Variants in ABCB8 observed in about 807,000 individuals in gnomAD.
The protein encoded by ABCB8 is ATP binding cassette subfamily B member 8.
In ABCB8, 52 loss-of-function variants were observed where a neutral mutation model predicts 73.0. That is an observed-to-expected ratio of 0.71 (90% CI 0.57 to 0.90). The LOEUF is 0.90. Ranked by LOEUF, ABCB8 falls within the 40% of genes least tolerant of loss-of-function variation. The probability of loss-of-function intolerance (pLI) is 0.00; values close to 1 mark genes in which losing one functional copy is unlikely to be tolerated. For missense variants in ABCB8, 909 were observed against 974.6 expected (o/e 0.93, Z 0.90); for synonymous variants, 428 against 423.5 (o/e 1.01, Z -0.13).
rs1584956002 is a variant in ABCB8, at chr7:151,040,868, A to C, written c.1429A>C (p.Thr477Pro). The C allele has an allele frequency of 6.2e-7, 1 of 1,604,002 alleles. No individual in the cohort carries two copies. The highest frequency in any genetic ancestry group is 1.3e-5 in the African/African-American group (1 of 74,672). The change falls in exon 12 of 16, where the codon ACC becomes CCC. Residue 477 changes from threonine (T) to proline (P), a missense_variant. Transcript: ENST00000358849. ...CGGCTTCGAGGTGCTGAAAGACTTCACCCTGACGCTGCCCCCTGGCAAGAT... is the reference window on the plus strand; with the variant it reads ...CGGCTTCGAGGTGCTGAAAGACTTCCCCCTGACGCTGCCCCCTGGCAAGAT... ...RPGFEVLKDF[T>P]LTLPPGKIVA... is the part of the protein sequence containing the mutation.
intron 11 of ABCB8, 21 bp downstream of exon 11, chr7:151,040,655 G>C: frequency 6.2e-7 from 1 of 1,607,038 alleles, no homozygotes. Flanking sequence ...GTGAGCAGGC[G>C]TGGGGATGGG....
intron 12 of ABCB8, 49 bp downstream of exon 12, chr7:151,040,971 C>T: frequency 6.2e-7 from 1 of 1,602,178 alleles, no homozygotes; most frequent in Non-Finnish European, 8.5e-7. Context: ...CTCTAGCAGC[C>T]ACTCAGAGCA....
At chr7:151,039,733 C>A (rs1796405197) in intron 9 of ABCB8, 1 of 152,568 alleles carries the variant, frequency 6.6e-6, no homozygotes, top group Admixed American at 6.5e-5. Context: ...GATTTAACAT[C>A]ACTTCTTCCA....
intron 15 of ABCB8, 87 bp from the exon 16 acceptor site, chr7:151,045,122 A>G (rs555101549): frequency 1.1e-5 from 15 of 1,415,302 alleles, no homozygotes; most frequent in Middle Eastern, 1.9e-4. Context: ...CATGGGCCCA[A>G]TGGCTGATAG....
In ABCB8 at chr7:151,045,248, T is replaced by C; in HGVS notation, c.2056T>C (p.Tyr686His). The C allele has an allele frequency of 6.2e-7, 1 of 1,600,960 alleles. No individual in the cohort carries two copies. The highest frequency in any genetic ancestry group is 8.5e-7 in the Non-Finnish European group (1 of 1,173,242). The change falls in exon 16 of 16, where the codon TAC (tyrosine) becomes CAC (histidine). Residue 686 changes from tyrosine (Y) to histidine (H), a missense_variant. Physicochemically the swap from Tyr to His is moderately conservative, Grantham distance 83. Transcript: ENST00000358849. ...AGAGCTCCTGAAGAAAGGCGGGCTA[T>C]ACGCCGAGCTCATCCGGAGGCAGGC... ...HEELLKKGGL[Y>H]AELIRRQALD... is the part of the protein sequence containing the mutation.
chr7:151,030,433 C>G (rs1051804741), intron 1 of ABCB8, among the ~76,000 whole-genome samples: 1 of 151,180 alleles, frequency 6.6e-6, no homozygotes, highest in Non-Finnish European at 1.5e-5. Context: ...GAGAATTGCT[C>G]AAACCTGGGA....
Position 151,041,950 on chromosome 7 carries a change from C to A in ABCB8, c.1618-11C>A. 6.2e-7 allele frequency: 1 copy of A among 1,611,888 alleles called. No individual in the cohort carries two copies. The highest frequency in any genetic ancestry group is 8.5e-7 in the Non-Finnish European group (1 of 1,179,838). ...TCTATGGACTCTGTCTCCATAACCC[C>A]TCACCCACAGGAGCCCGTCCTGTTT... On this transcript the variant is annotated splice_polypyrimidine_tract_variant and intron_variant, in intron 13 of 15. Coordinates refer to ENST00000358849, the MANE Select transcript of ABCB8 (RefSeq NM_007188.5).
Position 151,035,746 on chromosome 7 carries a change from C to G in ABCB8, c.927+4C>G. The stretch of plus-strand genomic sequence containing the variant: ...GTCTCGCCAGTGTCAGGAGCAGGTA[C>G]CGGCATTCCTGGCCATCCTCTTCAC... On this transcript the variant is annotated splice_donor_region_variant and intron_variant, in intron 6 of 15. Coordinates refer to ENST00000358849, the MANE Select transcript of ABCB8 (RefSeq NM_007188.5). 8 of 1,612,484 alleles carry G rather than the reference C, an allele frequency of 5.0e-6. No homozygotes were observed. Among genetic ancestry groups the G allele is most frequent in the Non-Finnish European group, 6.8e-6 (8 of 1,180,012 alleles).
intron 9 of ABCB8, chr7:151,037,354 A>T: frequency 1.4e-6 from 1 of 702,008 alleles, no homozygotes; most frequent in Non-Finnish European, 2.6e-6. Context: ...CATGCCTGCC[A>T]CTTCCAGGGA....
In ABCB8 at chr7:151,045,250, C is replaced by A; in HGVS notation, c.2058C>A (p.Tyr686Ter). Residue 686 changes from tyrosine to a stop codon, truncating the protein, a stop_gained, in exon 16 of 16, where the codon TAC (tyrosine) becomes TAA (stop). Transcript: ENST00000358849. LOFTEE classifies it low-confidence loss of function (END_TRUNC). ...AGCTCCTGAAGAAAGGCGGGCTATACGCCGAGCTCATCCGGAGGCAGGCCC... is the reference window on the plus strand; with the variant it reads ...AGCTCCTGAAGAAAGGCGGGCTATAAGCCGAGCTCATCCGGAGGCAGGCCC... ...HEELLKKGGL[Y>*]AELIRRQALD... is the part of the protein sequence containing the mutation. 2 of 1,602,960 alleles carry A rather than the reference C, an allele frequency of 1.2e-6. No individual in the cohort carries two copies. Among genetic ancestry groups the A allele is most frequent in the Non-Finnish European group, 1.7e-6 (2 of 1,174,344 alleles).
At position 151,033,656 on chromosome 7, in the gene ABCB8, G is replaced by A. The variant is rs146661773; in HGVS notation, c.147G>A (p.Leu49=). Residue 49 remains leucine, a synonymous_variant, in exon 2 of 16, where the codon CTG becomes CTA. Transcript: ENST00000358849. ...CCCTCCTCCGGGCCGTGGCCCACCTGCGGTCCCAGCTCTGGGCCCACCTCC... is the reference window on the plus strand; with the variant it reads ...CCCTCCTCCGGGCCGTGGCCCACCTACGGTCCCAGCTCTGGGCCCACCTCC... ...SSSLLRAVAH[L]RSQLWAHLPR... is the part of the protein sequence containing the mutation. 1.5e-4 allele frequency: 245 copies of A among 1,605,802 alleles called. 1 individual carries two copies. In the African/African-American group the frequency reaches 3.0e-3, roughly 20 times the overall value.
rs1260040726 is a variant in ABCB8 at position 151,046,352 on chromosome 7, G to T, written c.*1003G>T. ...GCATCCCCAGCAGGTTCTGGGAGGCGCACCTTGAAAGGGGAAGGCAGACAT... is the reference window on the plus strand; with the variant it reads ...GCATCCCCAGCAGGTTCTGGGAGGCTCACCTTGAAAGGGGAAGGCAGACAT... On this transcript the variant is annotated 3_prime_UTR_variant, in exon 16 of 16. Coordinates refer to ENST00000358849, the MANE Select transcript of ABCB8 (RefSeq NM_007188.5). 6.6e-6 allele frequency: 1 copy of T among 152,286 alleles called. No homozygotes were observed. Among genetic ancestry groups the T allele is most frequent in the Non-Finnish European group, 1.5e-5 (1 of 68,112 alleles). The allele number at this position is 152,286 out of a possible 1,614,324, so 9.4% of individuals were successfully genotyped here.
intron 14 of ABCB8, 64 bp downstream of exon 14, chr7:151,042,172 C>T (rs1796486571): frequency 6.3e-7 from 1 of 1,594,694 alleles, no homozygotes; most frequent in Non-Finnish European, 8.6e-7. Flanking sequence ...TCCACAGGAG[C>T]AGTGAGCAGC....
rs555691881 is a variant in ABCB8 at position 151,041,170 on chromosome 7, C to A, written c.1555C>A (p.Arg519=). The change falls in exon 13 of 16, where the codon CGG becomes AGG. Residue 519 remains arginine, a synonymous_variant. Transcript: ENST00000358849. ...GGCAGGCGTGGTGATGCTGGATGGGCGGGACCTGCGCACCCTTGACCCCTC... is the reference window on the plus strand; with the variant it reads ...GGCAGGCGTGGTGATGCTGGATGGGAGGGACCTGCGCACCCTTGACCCCTC... The part of the protein sequence containing the change: ...PTAGVVMLDG[R]DLRTLDPSWL... 1 of 1,610,646 alleles carries A rather than the reference C, an allele frequency of 6.2e-7. No homozygotes were observed. The highest frequency in any genetic ancestry group is 1.7e-5 in the Admixed American group (1 of 60,010).
chr7:151,036,401 C>A, intron 8 of ABCB8, 143 bp from the exon 9 acceptor site: 1 of 872,192 alleles, frequency 1.1e-6, no homozygotes, highest in East Asian at 2.5e-5. Flanking sequence ...CGTGCCCACC[C>A]CAACTTGCTC....
At position 151,043,743 on chromosome 7, in the gene ABCB8, G is replaced by A. The variant is rs1300633017; in HGVS notation, c.1766-228G>A. On this transcript the variant is annotated intron_variant, in intron 14 of 15. Coordinates refer to ENST00000358849, the MANE Select transcript of ABCB8 (RefSeq NM_007188.5). ...GAGGCAGGAGGAGGGTGCACAGTGC[G>A]GGGTGGGGGTCAGAGGCAGGAGGAG... Among the ~76,000 whole-genome samples the A allele has an allele frequency of 9.1e-5, 12 of 131,822 alleles. 1 individual carries two copies. Among genetic ancestry groups the A allele is most frequent in the Admixed American group, 3.7e-4 (5 of 13,584 alleles). The allele number at this position is 131,822 out of a possible 152,430, so 86.5% of individuals were successfully genotyped here. A position where few individuals can be genotyped will look rare whatever the true frequency, so the allele number is the denominator to read the frequency against.
At chr7:151,041,014 C>T (rs1796446354) in intron 12 of ABCB8, 85 bp from the exon 13 acceptor site, 8 of 1,609,274 alleles carry the variant, frequency 5.0e-6, no homozygotes, top group Non-Finnish European at 5.9e-6. Context: ...GGTGGGGTCC[C>T]TTCCTCCACT....
At chr7:151,040,082 A>C in intron 9 of ABCB8, 186 bp from the exon 10 acceptor site, 1 of 622,592 alleles carries the variant, frequency 1.6e-6, no homozygotes, top group Non-Finnish European at 2.7e-6. Flanking sequence ...CCAAGGAGGG[A>C]GCCAGGGCTC....
chr7:151,044,473 AAAAG>A (rs1796562036), intron 15 of ABCB8, among the ~76,000 whole-genome samples: 3 of 152,126 alleles, frequency 2.0e-5, no homozygotes, highest in Non-Finnish European at 2.9e-5. Flanking sequence ...GATCAAAAGG[AAAAG>A]TACTAGCCGG....
Sources: allele counts gnomAD v4.1 joint callset (sites outside exome capture counted in the v4.1 genomes callset), GRCh38; gene constraint gnomAD v4.1.1; transcripts MANE v1.5; gene names NCBI Gene and HGNC (gene_info 2026-07-23, HGNC 2026-07-21).